UBAC2: variants seen among roughly 807,000 people sequenced by gnomAD.
The protein encoded by UBAC2 is UBA domain containing 2, also known as ubiquitin-associated domain-containing protein 2.
UBAC2 carries 26 observed loss-of-function variants against 44.0 expected under a neutral mutation model. The observed-to-expected ratio is 0.59, with a 90% CI of 0.43 to 0.82. The LOEUF (loss-of-function observed/expected upper bound fraction) is 0.82. UBAC2 is among the 40% of genes least tolerant of loss of function. The probability of loss-of-function intolerance (pLI) is 0.00; values close to 1 mark genes in which losing one functional copy is unlikely to be tolerated. For synonymous variants in UBAC2, 155 were observed against 154.3 expected (o/e 1.00, Z -0.04); for missense variants, 329 against 419.4 (o/e 0.78, Z 1.88).
chr13:99,241,248 G>C lies in UBAC2; in HGVS notation c.160-2584G>C, dbSNP rs146147581. On this transcript the variant is annotated intron_variant, in intron 2 of 8. Coordinates refer to ENST00000403766, the MANE Select transcript of UBAC2 (RefSeq NM_001144072.2). ...TCACTGCACTACAGCCTGGGCAACA[G>C]AGTGAGACCCTGTCTCAAAAAAAAA... is the stretch of plus-strand genomic sequence containing the variant. Among the ~76,000 whole-genome samples the C allele has an allele frequency of 3.8e-3, 534 of 139,254 alleles. 2 individuals carry two copies. The highest frequency in any genetic ancestry group is 0.013 in the African/African-American group (494 of 36,902). The allele number at this position is 139,254 out of a possible 152,430, so 91.4% of individuals were successfully genotyped here.
intron 4 of UBAC2, among the ~76,000 whole-genome samples, chr13:99,286,362 A>G (rs1483354510): frequency 6.6e-6 from 1 of 152,230 alleles, no homozygotes; most frequent in Non-Finnish European, 1.5e-5. Context: ...AGTTCCTCAA[A>G]GAACATTGTG....
chr13:99,363,676 C>G (rs746523107), intron 7 of UBAC2, among the ~76,000 whole-genome samples: 11 of 152,206 alleles, frequency 7.2e-5, no homozygotes, highest in Non-Finnish European at 1.6e-4. Flanking sequence ...ATTGTCAGAA[C>G]CTAGTCAACA....
chr13:99,252,791 ATAATT>A (rs1038941852), intron 4 of UBAC2, among the ~76,000 whole-genome samples: 7 of 152,152 alleles, frequency 4.6e-5, no homozygotes, highest in African/African-American at 1.7e-4. Context: ...CAATTAAATT[ATAATT>A]TAAATTATTT....
chr13:99,277,482 A>G (rs1352767279), intron 4 of UBAC2, among the ~76,000 whole-genome samples: 5 of 152,194 alleles, frequency 3.3e-5, no homozygotes, highest in African/African-American at 7.2e-5. Flanking sequence ...CCGAGATCAC[A>G]CCATTGTACT....
chr13:99,222,728 A>G (rs1231301644), intron 1 of UBAC2, among the ~76,000 whole-genome samples: 2 of 152,210 alleles, frequency 1.3e-5, no homozygotes, highest in African/African-American at 4.8e-5. Flanking sequence ...TATTCTTTTT[A>G]TATAATGCTA....
intron 1 of UBAC2, among the ~76,000 whole-genome samples, chr13:99,203,247 G>T (rs2042828092): frequency 6.6e-6 from 1 of 152,060 alleles, no homozygotes; most frequent in South Asian, 2.1e-4. Context: ...TGTTGACCAG[G>T]CTGGTCTTGA....
At chr13:99,299,261 C>T (rs539256840) in intron 4 of UBAC2, among the ~76,000 whole-genome samples, 1 of 152,206 alleles carries the variant, frequency 6.6e-6, no homozygotes, top group East Asian at 1.9e-4. Context: ...TTCAAATATC[C>T]TTCATTAGGG....
chr13:99,286,398 C>G (rs980888506), intron 4 of UBAC2, among the ~76,000 whole-genome samples: 1 of 152,174 alleles, frequency 6.6e-6, no homozygotes, highest in Non-Finnish European at 1.5e-5. Context: ...CCTTGCTGAT[C>G]TTTTCATGTG....
intron 5 of UBAC2, chr13:99,314,810 G>C (rs2044466809): frequency 6.6e-6 from 1 of 152,314 alleles, no homozygotes; most frequent in African/African-American, 2.4e-5. Flanking sequence ...AATCCTCAGC[G>C]AATGTCAATT....
intron 1 of UBAC2, among the ~76,000 whole-genome samples, chr13:99,204,874 C>T (rs2042849000): frequency 6.8e-6 from 1 of 148,106 alleles, no homozygotes; most frequent in South Asian, 2.1e-4. Context: ...TAGAGGTGGC[C>T]GCAGGTGTAA....
intron 4 of UBAC2, among the ~76,000 whole-genome samples, chr13:99,247,025 A>G (rs2142746323): frequency 6.6e-6 from 1 of 152,264 alleles, no homozygotes. Flanking sequence ...TGGTAGAGAA[A>G]AGGTTTTGCT....
intron 1 of UBAC2, chr13:99,201,472 CTT>C: frequency 1.9e-6 from 3 of 1,614,218 alleles, no homozygotes; most frequent in Non-Finnish European, 2.5e-6. Context: ...GATGAGAGTG[CTT>C]TCAAGTGGAG....
At chr13:99,301,598 C>T (rs939804676) in intron 4 of UBAC2, among the ~76,000 whole-genome samples, 1 of 151,920 alleles carries the variant, frequency 6.6e-6, no homozygotes, top group Non-Finnish European at 1.5e-5. Flanking sequence ...TTTTGCATAA[C>T]CGGACATGTT....
At chr13:99,316,321 C>A (rs1162772921) in intron 5 of UBAC2, among the ~76,000 whole-genome samples, 2 of 152,156 alleles carry the variant, frequency 1.3e-5, no homozygotes, top group East Asian at 3.9e-4. Context: ...TGTCTGTCCT[C>A]CACCTGCCTC....
intron 1 of UBAC2, among the ~76,000 whole-genome samples, chr13:99,214,138 G>A (rs553715800): frequency 6.6e-6 from 1 of 152,206 alleles, no homozygotes; most frequent in East Asian, 1.9e-4. Context: ...ATTTATTGTA[G>A]AGCCAGGGTT....
chr13:99,222,595 T>C (rs767322493), intron 1 of UBAC2, among the ~76,000 whole-genome samples: 1 of 152,240 alleles, frequency 6.6e-6, no homozygotes, highest in Admixed American at 6.5e-5. Context: ...CAAATTGGTT[T>C]CATAGAATAA....
chr13:99,384,678 A>G, intron 8 of UBAC2, among the ~76,000 whole-genome samples: 1 of 152,362 alleles, frequency 6.6e-6, no homozygotes, highest in African/African-American at 2.4e-5. Context: ...TGTGGCAGTG[A>G]CGCCAGGAGT....
At chr13:99,227,169 G>C (rs2043119212) in intron 1 of UBAC2, among the ~76,000 whole-genome samples, 1 of 151,144 alleles carries the variant, frequency 6.6e-6, no homozygotes, top group Non-Finnish European at 1.5e-5. Flanking sequence ...TTGCACTCCA[G>C]CCCGGACAAC....
rs1162845636 is a variant in UBAC2 at position 99,347,332 on chromosome 13, C to G, written c.807+6767C>G. Among the ~76,000 whole-genome samples, 81 of 97,034 alleles carry G rather than the reference C, an allele frequency of 8.3e-4. 4 individuals are homozygous for G. Among genetic ancestry groups the G allele is most frequent in the African/African-American group, 2.1e-3 (65 of 31,124 alleles). The allele number at this position is 97,034 out of a possible 152,430, so 63.7% of individuals were successfully genotyped here. A position where few individuals can be genotyped will look rare whatever the true frequency, so the allele number is the denominator to read the frequency against. On this transcript the variant is annotated intron_variant, in intron 7 of 8. Coordinates refer to ENST00000403766, the MANE Select transcript of UBAC2 (RefSeq NM_001144072.2). ...CTATCCCCGGGCGCCCCCCCCCCCC[C>G]CCAGGAAAAAAAAGGCAAGTGAAGA...
Sources: gnomAD v4.1 joint callset for allele counts (sites outside exome capture counted in the v4.1 genomes callset) on GRCh38, gnomAD v4.1.1 for gene constraint, MANE v1.5 for transcripts, NCBI Gene and HGNC (gene_info 2026-07-23, HGNC 2026-07-21) for gene names.